Variants in KIF17 observed in about 807,000 individuals in gnomAD.
KIF17 encodes kinesin family member 17, also known as kinesin-like protein KIF17.
In KIF17, 80 loss-of-function variants were observed where a neutral mutation model predicts 96.8. The ratio of observed to expected loss-of-function variants is 0.83; its 90% CI spans 0.69 to 1.00. The LOEUF (loss-of-function observed/expected upper bound fraction) is 1.00, where lower values mean the gene tolerates loss of function less well. KIF17 is among the 50% of genes least tolerant of loss of function. The pLI, the probability that KIF17 is intolerant of heterozygous loss-of-function variation, is 0.00. For missense variants in KIF17, 1,280 were observed against 1,372.9 expected (o/e 0.93, Z 1.07); for synonymous variants, 567 against 587.5 (o/e 0.97, Z 0.51).
At chr1:20,716,723 C>G (rs900815419) in intron 1 of KIF17, among the ~76,000 whole-genome samples, 2 of 152,170 alleles carry the variant, frequency 1.3e-5, no homozygotes, top group African/African-American at 4.8e-5. Flanking sequence ...AGGAGGCAAA[C>G]CCGGTGCTGT....
chr1:20,686,618 C>T (rs563313534), intron 8 of KIF17, among the ~76,000 whole-genome samples: 4 of 152,190 alleles, frequency 2.6e-5, no homozygotes, highest in East Asian at 1.9e-4. Context: ...CACAGTGGTG[C>T]GATCTTGGCT....
rs759040937 is a variant in KIF17, at chr1:20,717,728, G to A, written c.-22C>T. 1.9e-6 allele frequency: 3 copies of A among 1,544,662 alleles called. No homozygotes were observed. Among genetic ancestry groups the A allele is most frequent in the Middle Eastern group, 2.0e-4 (1 of 4,946 alleles). On this transcript the variant is annotated 5_prime_UTR_variant, in exon 1 of 15. Coordinates refer to ENST00000400463, the MANE Select transcript of KIF17 (RefSeq NM_001122819.3). Reference sequence around the variant, plus strand: ...CCATGGCGCCGCGCCCAGGACCAACGGGACCAGAGCTGACCCCCGCCCCGC... The same window carrying A: ...CCATGGCGCCGCGCCCAGGACCAACAGGACCAGAGCTGACCCCCGCCCCGC...
Position 20,664,340 on chromosome 1 carries a change from T to A in KIF17, c.*244A>T. ...GCAGGTGAGCAGACGGAAACACTGA[T>A]GTGGTATGAACAGCTGGAGCAGGCC... On this transcript the variant is annotated 3_prime_UTR_variant, in exon 15 of 15. Coordinates refer to ENST00000400463, the MANE Select transcript of KIF17 (RefSeq NM_001122819.3). The A allele has an allele frequency of 7.1e-7, 1 of 1,406,726 alleles. No individual in the cohort carries two copies. Among genetic ancestry groups the A allele is most frequent in the East Asian group, 2.7e-5 (1 of 37,550 alleles). The allele number at this position is 1,406,726 out of a possible 1,614,324, so 87.1% of individuals were successfully genotyped here. A position where few individuals can be genotyped will look rare whatever the true frequency, so the allele number is the denominator to read the frequency against.
At chr1:20,686,588 C>T (rs12217108) in intron 8 of KIF17, among the ~76,000 whole-genome samples, 8,541 of 152,196 alleles carry the variant, frequency 0.056, 500 homozygotes, top group East Asian at 0.34. Flanking sequence ...TGGAGTCTCG[C>T]TCTGTCGCCC....
At chr1:20,670,295 C>A in intron 13 of KIF17, 126 bp downstream of exon 13, 1 of 919,204 alleles carries the variant, frequency 1.1e-6, no homozygotes, top group Non-Finnish European at 1.7e-6. Flanking sequence ...CAGCCTTGGC[C>A]CCTTCTTTAA....
At chr1:20,706,612 C>T (rs1051512803) in intron 4 of KIF17, among the ~76,000 whole-genome samples, 23 of 151,366 alleles carry the variant, frequency 1.5e-4, no homozygotes, top group African/African-American at 5.1e-4. Flanking sequence ...CAACAACAGG[C>T]CAGGGGCAGT....
At chr1:20,696,642 C>T (rs1470692010) in intron 6 of KIF17, among the ~76,000 whole-genome samples, 1 of 152,030 alleles carries the variant, frequency 6.6e-6, no homozygotes, top group Non-Finnish European at 1.5e-5. Flanking sequence ...CGGGGGCCGC[C>T]GGCCCCACCG....
Position 20,704,427 on chromosome 1 carries a change from C to A in KIF17, c.1123+20G>T. ...TCCTGGGGACCTGGCCCTCCCGCCA[C>A]TACCCCAACGTGGTCCCACCTGACA... is the stretch of plus-strand genomic sequence containing the variant. On this transcript the variant is annotated intron_variant, in intron 5 of 14. Coordinates refer to ENST00000400463, the MANE Select transcript of KIF17 (RefSeq NM_001122819.3). This position sits in a 1 kb window ranked among gnomAD's most constrained non-coding sequence, Gnocchi z 6.8. The A allele has an allele frequency of 6.2e-7, 1 of 1,606,506 alleles. No homozygotes were observed. Among genetic ancestry groups the A allele is most frequent in the Non-Finnish European group, 8.5e-7 (1 of 1,174,602 alleles).
At chr1:20,670,112 C>A (rs369728735) in intron 13 of KIF17, among the ~76,000 whole-genome samples, 1 of 151,936 alleles carries the variant, frequency 6.6e-6, no homozygotes, top group Non-Finnish European at 1.5e-5. Context: ...CAGCAGGAAA[C>A]CAGAATGTGC....
At position 20,704,666 on chromosome 1, in the gene KIF17, C is replaced by T. The variant is rs142534674; in HGVS notation, c.904G>A (p.Gly302Ser). 260 of 1,614,026 alleles carry T rather than the reference C, an allele frequency of 1.6e-4. 1 individual carries two copies. The highest frequency in any genetic ancestry group is 1.3e-4 in the Admixed American group (8 of 60,012). The change falls in exon 5 of 15, where the codon GGC becomes AGC. Residue 302 changes from glycine to serine, a missense_variant. Transcript: ENST00000400463. This position sits in a 1 kb window ranked among gnomAD's most constrained non-coding sequence, Gnocchi z 6.8. ...LTRLLQDSLG[G>S]NTKTLMVACL... ...GCCACCATGAGCGTCTTGGTGTTGCCGCCCAGTGAGTCCTGCAGCAGCCGC... is the reference window on the plus strand; with the variant it reads ...GCCACCATGAGCGTCTTGGTGTTGCTGCCCAGTGAGTCCTGCAGCAGCCGC...
intron 14 of KIF17, among the ~76,000 whole-genome samples, chr1:20,665,141 C>T (rs1486439635): frequency 6.8e-6 from 1 of 146,606 alleles, no homozygotes; most frequent in African/African-American, 2.6e-5. Context: ...CAATGCCAGG[C>T]ACTCAATTAA....
intron 11 of KIF17, 57 bp downstream of exon 11, chr1:20,682,595 CG>C (rs995945498): frequency 2.4e-5 from 36 of 1,470,658 alleles, no homozygotes; most frequent in Non-Finnish European, 3.2e-5. Flanking sequence ...ATGCCTGGAT[CG>C]GGGGGTCTCA....
chr1:20,678,229 A>C (rs1321355404), intron 11 of KIF17, among the ~76,000 whole-genome samples: 2 of 152,156 alleles, frequency 1.3e-5, no homozygotes, highest in African/African-American at 4.8e-5. Context: ...CATGAAACTT[A>C]TTCACTACCA....
Position 20,685,919 on chromosome 1 carries a change from C to A in KIF17, c.2019+127G>T. Reference sequence around the variant, plus strand: ...CCACGGGCCACAAGCCCGGGGAAGGCTGGAGTTGTTGTTCTCAGCTCATGG... The same window carrying A: ...CCACGGGCCACAAGCCCGGGGAAGGATGGAGTTGTTGTTCTCAGCTCATGG... On this transcript the variant is annotated intron_variant, in intron 9 of 14. Coordinates refer to ENST00000400463, the MANE Select transcript of KIF17 (RefSeq NM_001122819.3). The surrounding 1 kb of genome is among the most constrained non-coding windows in gnomAD (Gnocchi z 4.1). 1.2e-6 allele frequency: 1 copy of A among 805,380 alleles called. No individual in the cohort carries two copies. The highest frequency in any genetic ancestry group is 2.7e-5 in the East Asian group (1 of 37,268). 49.9% of individuals were successfully genotyped at this position (805,380 alleles called of 1,614,324 possible).
chr1:20,717,188 G>C (rs1472291316), intron 1 of KIF17, among the ~76,000 whole-genome samples: 3 of 152,196 alleles, frequency 2.0e-5, no homozygotes, highest in Non-Finnish European at 2.9e-5. Flanking sequence ...AATTAGACGG[G>C]CGTGGTGGCA....
chr1:20,713,620 A>G lies in KIF17; in HGVS notation c.379-65T>C, dbSNP rs112737523. 4 of 1,242,764 alleles carry G rather than the reference A, an allele frequency of 3.2e-6. No individual in the cohort carries two copies. The East Asian group carries it at 9.9e-5, about 31-fold the overall frequency. The allele number at this position is 1,242,764 out of a possible 1,614,324, so 77.0% of individuals were successfully genotyped here. A position where few individuals can be genotyped will look rare whatever the true frequency, so the allele number is the denominator to read the frequency against. ...CGAAGTCCACCTGCTGCCAGGTCTG[A>G]CCCTGGGGCCTGGGCCCTCTGCCAC... On this transcript the variant is annotated intron_variant, in intron 2 of 14. Coordinates refer to ENST00000400463, the MANE Select transcript of KIF17 (RefSeq NM_001122819.3).
chr1:20,713,423 C>T (rs763660566), intron 3 of KIF17, 31 bp downstream of exon 3: 1 of 1,541,148 alleles, frequency 6.5e-7, no homozygotes, highest in African/African-American at 1.4e-5. Context: ...CCCCTACCAG[C>T]CCCACCTGCC....
chr1:20,689,370 G>A (rs1389110860), intron 7 of KIF17, among the ~76,000 whole-genome samples: 3 of 152,304 alleles, frequency 2.0e-5, no homozygotes, highest in South Asian at 4.1e-4. Flanking sequence ...AAAACTAAAG[G>A]CTGAGTGCAG....
chr1:20,709,265 C>T lies in KIF17; in HGVS notation c.670+374G>A, dbSNP rs2054394797. ...AGGCATGGTGGTGTGCATGTAGTCC[C>T]AGCTGCTCAGGAGGCTGAGGTGGGA... On this transcript the variant is annotated intron_variant, in intron 4 of 14. Coordinates refer to ENST00000400463, the MANE Select transcript of KIF17 (RefSeq NM_001122819.3). This position sits in a 1 kb window ranked among gnomAD's most constrained non-coding sequence, Gnocchi z 4.7. Among the ~76,000 whole-genome samples the T allele has an allele frequency of 6.6e-6, 1 of 152,148 alleles. No individual in the cohort carries two copies. The highest frequency in any genetic ancestry group is 1.5e-5 in the Non-Finnish European group (1 of 68,030).
Sources: allele counts gnomAD v4.1 joint callset (sites outside exome capture counted in the v4.1 genomes callset), GRCh38; gene constraint gnomAD v4.1.1; non-coding constraint Gnocchi (gnomAD v3.1); transcripts MANE v1.5; gene names NCBI Gene and HGNC (gene_info 2026-07-23, HGNC 2026-07-21).